Variants in DBT observed in about 807,000 individuals in gnomAD.
DBT encodes lipoamide acyltransferase component of branched-chain alpha-keto acid dehydrogenase complex, mitochondrial.
In DBT, 40 loss-of-function variants were observed where a neutral mutation model predicts 51.3. The observed-to-expected ratio is 0.78, with a 90% CI of 0.61 to 1.02. The LOEUF (loss-of-function observed/expected upper bound fraction) is 1.02, where lower values mean the gene tolerates loss of function less well. Ranked by LOEUF, DBT falls within the 50% of genes least tolerant of loss-of-function variation. The pLI is 0.00. For missense variants in DBT, 510 were observed against 580.2 expected (o/e 0.88, Z 1.24); for synonymous variants, 181 against 190.4 (o/e 0.95, Z 0.41).
chr1:100,222,621 G>A (rs1662923006), intron 4 of DBT, among the ~76,000 whole-genome samples: 1 of 152,198 alleles, frequency 6.6e-6, no homozygotes, highest in Non-Finnish European at 1.5e-5. Flanking sequence ...TTTGTTAAAT[G>A]AGATGTATAT....
chr1:100,219,298 G>A (rs1027619862), intron 4 of DBT, among the ~76,000 whole-genome samples: 39 of 151,944 alleles, frequency 2.6e-4, no homozygotes, highest in Admixed American at 2.4e-3. Flanking sequence ...GCTGCAGTGA[G>A]CTGTAATTGC....
chr1:100,242,733 C>T (rs1259990805), intron 1 of DBT, among the ~76,000 whole-genome samples: 1 of 152,126 alleles, frequency 6.6e-6, no homozygotes, highest in Non-Finnish European at 1.5e-5. Flanking sequence ...AGGAGTGAAT[C>T]AACCTCTGTT....
At chr1:100,198,069 A>C (rs1245733713) in intron 10 of DBT, among the ~76,000 whole-genome samples, 2 of 152,250 alleles carry the variant, frequency 1.3e-5, no homozygotes, top group African/African-American at 2.4e-5. Context: ...TCATTTGTTC[A>C]TAACACCATT....
At chr1:100,210,612 T>C (rs1296130866) in intron 8 of DBT, 82 bp downstream of exon 8, 2 of 1,585,454 alleles carry the variant, frequency 1.3e-6, no homozygotes, top group Non-Finnish European at 8.6e-7. Flanking sequence ...CTATTTGAGG[T>C]ACAATAGAAG....
In DBT at chr1:100,235,315, T is replaced by A. The variant is rs1663804290; in HGVS notation, c.251+121A>T. Reference sequence around the variant, plus strand: ...CTTTTAAAAATGCATTATGTGTTTATAAAGACGTTTCTCAATTTAAATGGA... The same window carrying A: ...CTTTTAAAAATGCATTATGTGTTTAAAAAGACGTTTCTCAATTTAAATGGA... On this transcript the variant is annotated intron_variant, in intron 3 of 10. Coordinates refer to ENST00000370132, the MANE Select transcript of DBT (RefSeq NM_001918.5). The A allele has an allele frequency of 8.2e-6, 5 of 606,662 alleles. No individual in the cohort carries two copies. In the East Asian group the frequency reaches 1.5e-4, roughly 18 times the overall value. The allele number at this position is 606,662 out of a possible 1,614,324, so 37.6% of individuals were successfully genotyped here. A position where few individuals can be genotyped will look rare whatever the true frequency, so the allele number is the denominator to read the frequency against.
rs929754340 is a variant in DBT, at chr1:100,189,133, G to A, written c.*7122C>T. On this transcript the variant is annotated 3_prime_UTR_variant, in exon 11 of 11. Transcript: ENST00000370132. ...AGGCGGGCAGATCACTTGAGGTCAG[G>A]AGTTCGAGACCAGCCTGGCCAACAT... The A allele has an allele frequency of 6.6e-6, 1 of 152,186 alleles. No homozygotes were observed. Among genetic ancestry groups the A allele is most frequent in the African/African-American group, 2.4e-5 (1 of 41,430 alleles). The allele number at this position is 152,186 out of a possible 1,614,324, so 9.4% of individuals were successfully genotyped here. A position where few individuals can be genotyped will look rare whatever the true frequency, so the allele number is the denominator to read the frequency against.
rs1358829259 is a variant in DBT at position 100,195,323 on chromosome 1, T to C, written c.*932A>G. On this transcript the variant is annotated 3_prime_UTR_variant, in exon 11 of 11. Coordinates refer to ENST00000370132, the MANE Select transcript of DBT (RefSeq NM_001918.5). ...TACCACAAATCTAAAACTATATCCA[T>C]TTTAAACAAACACCTTTAATAGACT... 2.6e-5 allele frequency: 4 copies of C among 152,618 alleles called. No individual in the cohort carries two copies. The highest frequency in any genetic ancestry group is 4.1e-4 in the South Asian group (2 of 4,830). The allele number at this position is 152,618 out of a possible 1,614,324, so 9.5% of individuals were successfully genotyped here.
At chr1:100,218,323 C>T (rs1662615918) in intron 5 of DBT, among the ~76,000 whole-genome samples, 1 of 152,134 alleles carries the variant, frequency 6.6e-6, no homozygotes, top group Admixed American at 6.5e-5. Flanking sequence ...TCATGCTGTG[C>T]CTCTAGAGCA....
At chr1:100,212,972 G>A (rs1315867895) in intron 7 of DBT, among the ~76,000 whole-genome samples, 2 of 152,162 alleles carry the variant, frequency 1.3e-5, no homozygotes, top group African/African-American at 2.4e-5. Context: ...TTTGATTTAC[G>A]GAAGACCAGT....
chr1:100,207,295 T>C (rs1661848394), intron 8 of DBT, among the ~76,000 whole-genome samples: 1 of 152,220 alleles, frequency 6.6e-6, no homozygotes, highest in South Asian at 2.1e-4. Context: ...TCAAGATCCA[T>C]CTTCAGAATT....
At chr1:100,227,462 CAGA>C (rs1386323515) in intron 4 of DBT, among the ~76,000 whole-genome samples, 3 of 152,178 alleles carry the variant, frequency 2.0e-5, no homozygotes, top group African/African-American at 7.2e-5. Context: ...GTCCACTTTA[CAGA>C]AGAATGCCAG....
chr1:100,202,937 A>G (rs1230862351), intron 10 of DBT, among the ~76,000 whole-genome samples: 3 of 152,246 alleles, frequency 2.0e-5, no homozygotes, highest in Non-Finnish European at 4.4e-5. Flanking sequence ...GTATGTGTAG[A>G]GGGAAATTTA....
Position 100,193,372 on chromosome 1 carries a change from T to G in DBT, c.*2883A>C, listed in dbSNP as rs1401968371. 1 of 152,218 alleles carries G rather than the reference T, an allele frequency of 6.6e-6. No homozygotes were observed. Among genetic ancestry groups the G allele is most frequent in the Non-Finnish European group, 1.5e-5 (1 of 68,032 alleles). The allele number at this position is 152,218 out of a possible 1,614,324, so 9.4% of individuals were successfully genotyped here. ...TTATGGGACATCCATCTTCTGATCCTTCCAGATAAGATCGGTAACCTTTAC... is the reference window on the plus strand; with the variant it reads ...TTATGGGACATCCATCTTCTGATCCGTCCAGATAAGATCGGTAACCTTTAC... On this transcript the variant is annotated 3_prime_UTR_variant, in exon 11 of 11. Coordinates refer to ENST00000370132, the MANE Select transcript of DBT (RefSeq NM_001918.5).
At chr1:100,207,716 A>C (rs1396793406) in intron 8 of DBT, among the ~76,000 whole-genome samples, 1 of 151,924 alleles carries the variant, frequency 6.6e-6, no homozygotes, top group Non-Finnish European at 1.5e-5. Flanking sequence ...GCACATGCCT[A>C]TAGTCTCAGC....
chr1:100,219,254 A>C (rs541842269), intron 4 of DBT, among the ~76,000 whole-genome samples: 79 of 152,064 alleles, frequency 5.2e-4, no homozygotes, highest in African/African-American at 1.9e-3. Context: ...TGGGAGACCG[A>C]GGTGGGAGGA....
At chr1:100,243,745 A>G (rs7543453) in intron 1 of DBT, among the ~76,000 whole-genome samples, 116,558 of 151,956 alleles carry the variant, frequency 0.77, 46,675 homozygotes, top group East Asian at 0.94. Flanking sequence ...AATAAGTGGA[A>G]CAATCGAGCT....
chr1:100,239,851 C>CAAAAAAAAAAAAAAAAAAAAAAA (rs56661922), intron 2 of DBT, among the ~76,000 whole-genome samples: 2 of 111,204 alleles, frequency 1.8e-5, no homozygotes, highest in East Asian at 2.4e-4. Context: ...CAACAGAGCT[C>CAAAAAAAAAAAAAAAAAAAAAAA]AAAAAAAAAA....
At chr1:100,246,743 G>C (rs1664562622) in intron 1 of DBT, among the ~76,000 whole-genome samples, 1 of 152,110 alleles carries the variant, frequency 6.6e-6, no homozygotes, top group South Asian at 2.1e-4. Flanking sequence ...GAACAAAACA[G>C]ATGCAATTTC....
chr1:100,210,617 T>C (rs1215818690), intron 8 of DBT, 77 bp downstream of exon 8: 8 of 1,596,134 alleles, frequency 5.0e-6, no homozygotes, highest in African/African-American at 1.3e-5. Context: ...TGAGGTACAA[T>C]AGAAGTCTCT....
Sources: gnomAD v4.1 joint callset for allele counts (sites outside exome capture counted in the v4.1 genomes callset) on GRCh38, gnomAD v4.1.1 for gene constraint, MANE v1.5 for transcripts, NCBI Gene and HGNC (gene_info 2026-07-23, HGNC 2026-07-21) for gene names.